The following ARHGEF18 variants were observed in gnomAD, a reference collection of about 807,000 sequenced individuals.
ARHGEF18 encodes rho guanine nucleotide exchange factor 18.
ARHGEF18 carries 93 observed loss-of-function variants against 155.7 expected under a neutral mutation model. The observed-to-expected ratio is 0.60, with a 90% CI of 0.50 to 0.71. The LOEUF (loss-of-function observed/expected upper bound fraction) is 0.71. Among genes scored for constraint, ARHGEF18 ranks in the 30% least tolerant of loss-of-function variants. The pLI is 0.00. For synonymous variants in ARHGEF18, 742 were observed against 753.1 expected, an observed-to-expected ratio of 0.99 and a Z score of 0.24; for missense variants, 1,593 against 1,816.1, an observed-to-expected ratio of 0.88 and a Z score of 2.23.
intron 2 of ARHGEF18, among the ~76,000 whole-genome samples, chr19:7,365,175 G>A (rs1356844069): frequency 1.3e-5 from 2 of 152,218 alleles, no homozygotes; most frequent in African/African-American, 2.4e-5. Context: ...GAGGCGGGCA[G>A]ATCACTTGAG....
intron 10 of ARHGEF18, among the ~76,000 whole-genome samples, chr19:7,385,818 GATCTATCTCTCTCTAT>G (rs1970982022): frequency 1.0e-5 from 1 of 97,622 alleles, no homozygotes; most frequent in African/African-American, 5.3e-5. Context: ...TTAGAGATAG[GATCTATCTCTCTCTAT>G]CTCTCTCTCT....
intron 7 of ARHGEF18, among the ~76,000 whole-genome samples, chr19:7,379,723 C>G (rs1220451277): frequency 2.6e-5 from 4 of 152,124 alleles, no homozygotes; most frequent in African/African-American, 9.7e-5. Context: ...ACACTGCCAT[C>G]TGTTACAAAA....
chr19:7,457,353 CTTTTTTTT>C (rs1159186670), intron 18 of ARHGEF18, among the ~76,000 whole-genome samples: 2 of 60,216 alleles, frequency 3.3e-5, no homozygotes, highest in African/African-American at 1.6e-4. Context: ...AATCACCTCT[CTTTTTTTT>C]TTTTTTTTTT....
chr19:7,437,596 A>G (rs17159299), intron 10 of ARHGEF18, among the ~76,000 whole-genome samples: 60,749 of 151,074 alleles, frequency 0.4, 12,825 homozygotes, highest in East Asian at 0.6. Context: ...GCAATGGTGT[A>G]TCGGGACCTA....
chr19:7,395,139 C>T lies in ARHGEF18; in HGVS notation c.967+11936C>T, dbSNP rs971517468. 4.1e-6 allele frequency: 4 copies of T among 985,586 alleles called. No individual in the cohort carries two copies. The highest frequency in any genetic ancestry group is 4.8e-6 in the Non-Finnish European group (4 of 830,030). The allele number at this position is 985,586 out of a possible 1,614,324, so 61.1% of individuals were successfully genotyped here. A position where few individuals can be genotyped will look rare whatever the true frequency, so the allele number is the denominator to read the frequency against. Reference sequence around the variant, plus strand: ...TCGCGCGGCTTCCCGCTTCCGGCTCCCAGCTGCTAGCTACTGTGGATCTGG... The same window carrying T: ...TCGCGCGGCTTCCCGCTTCCGGCTCTCAGCTGCTAGCTACTGTGGATCTGG... On this transcript the variant is annotated intron_variant, in intron 10 of 28. Coordinates refer to ENST00000668164, the MANE Select transcript of ARHGEF18 (RefSeq NM_001367823.1). The surrounding 1 kb of genome is among the most constrained non-coding windows in gnomAD (Gnocchi z 5.0).
At chr19:7,386,313 A>G (rs1971072637) in intron 10 of ARHGEF18, among the ~76,000 whole-genome samples, 1 of 151,296 alleles carries the variant, frequency 6.6e-6, no homozygotes, top group Admixed American at 6.6e-5. Context: ...TGTCAACCTC[A>G]GCACTACTGA....
At chr19:7,436,529 C>A (rs1156774847) in intron 10 of ARHGEF18, among the ~76,000 whole-genome samples, 1 of 152,242 alleles carries the variant, frequency 6.6e-6, no homozygotes, top group African/African-American at 2.4e-5. Flanking sequence ...CCACCCCGCT[C>A]GGCCTCCCAA....
intron 10 of ARHGEF18, among the ~76,000 whole-genome samples, chr19:7,413,257 C>A (rs10409747): frequency 0.025 from 3,821 of 151,678 alleles, 150 homozygotes; most frequent in African/African-American, 0.088. Flanking sequence ...CACGGCAAGA[C>A]CCTGTCTCTA....
At chr19:7,469,184 T>G (rs2145920110) in intron 27 of ARHGEF18, 53 bp downstream of exon 27, 1 of 1,494,312 alleles carries the variant, frequency 6.7e-7, no homozygotes, top group Non-Finnish European at 8.9e-7. Context: ...CTGGTCAGGC[T>G]CTAGCGGCTC....
chr19:7,441,027 C>G (rs974821319), intron 11 of ARHGEF18, among the ~76,000 whole-genome samples: 1 of 152,112 alleles, frequency 6.6e-6, no homozygotes. Flanking sequence ...TCCTGGTAGA[C>G]AGGATCCCAG....
chr19:7,420,581 T>C (rs1486630494), intron 10 of ARHGEF18, among the ~76,000 whole-genome samples: 1 of 152,152 alleles, frequency 6.6e-6, no homozygotes, highest in Non-Finnish European at 1.5e-5. Flanking sequence ...GTGACTTGCT[T>C]TTCAGTTTTT....
At chr19:7,372,660 C>T (rs1236172789) in intron 2 of ARHGEF18, among the ~76,000 whole-genome samples, 152 bp from the exon 3 acceptor site, 5 of 152,166 alleles carry the variant, frequency 3.3e-5, no homozygotes, top group Admixed American at 6.5e-5. Flanking sequence ...CCATCCCACC[C>T]GCTGTGAGGA....
At chr19:7,431,376 G>A (rs1973950535) in intron 10 of ARHGEF18, among the ~76,000 whole-genome samples, 1 of 151,674 alleles carries the variant, frequency 6.6e-6, no homozygotes, top group Non-Finnish European at 1.5e-5. Context: ...AATTAGCTGG[G>A]CATGGATGTG....
At chr19:7,365,228 G>C (rs1475865652) in intron 2 of ARHGEF18, among the ~76,000 whole-genome samples, 1 of 152,086 alleles carries the variant, frequency 6.6e-6, no homozygotes, top group Non-Finnish European at 1.5e-5. Context: ...CCCAGCACAG[G>C]CCAGCCTGAG....
intron 1 of ARHGEF18, among the ~76,000 whole-genome samples, chr19:7,362,173 A>G (rs62111677): frequency 1.2e-3 from 43 of 36,502 alleles, no homozygotes; most frequent in South Asian, 4.9e-3. Flanking sequence ...GAAGGAGAAG[A>G]AGGAGAAGAA....
At chr19:7,441,130 GA>G (rs1485702252) in intron 11 of ARHGEF18, among the ~76,000 whole-genome samples, 1 of 150,162 alleles carries the variant, frequency 6.7e-6, no homozygotes, top group African/African-American at 2.4e-5. Flanking sequence ...TACTATGGAA[GA>G]AATCCTGATG....
chr19:7,392,885 C>T (rs1971483125), intron 10 of ARHGEF18, among the ~76,000 whole-genome samples: 1 of 150,534 alleles, frequency 6.6e-6, no homozygotes, highest in South Asian at 2.1e-4. Context: ...GAAACTCTGT[C>T]TCTACAAAAA....
intron 3 of ARHGEF18, among the ~76,000 whole-genome samples, chr19:7,373,477 G>GTT (rs369561919): frequency 2.1e-5 from 2 of 95,660 alleles, no homozygotes; most frequent in African/African-American, 1.0e-4. Context: ...TTTTTTTTTT[G>GTT]TTTTTGTTTT....
chr19:7,464,049 T>C, intron 22 of ARHGEF18, 94 bp downstream of exon 22: 8 of 1,436,954 alleles, frequency 5.6e-6, no homozygotes, highest in Non-Finnish European at 6.5e-6. Context: ...TCTTTTTTGT[T>C]GTTGTTGAGA....
Sources: gnomAD v4.1 joint callset for allele counts (sites outside exome capture counted in the v4.1 genomes callset) on GRCh38, gnomAD v4.1.1 for gene constraint, Gnocchi (gnomAD v3.1) non-coding constraint, MANE v1.5 for transcripts, NCBI Gene and HGNC (gene_info 2026-07-23, HGNC 2026-07-21) for gene names.